NAT2: variants seen among roughly 807,000 people sequenced by gnomAD.
NAT2 encodes the protein arylamine N-acetyltransferase 2.
For missense variants in NAT2, 428 were observed against 339.1 expected, an observed-to-expected ratio of 1.26 and a Z score of -2.06; for synonymous variants, 137 against 125.9, an observed-to-expected ratio of 1.09 and a Z score of -0.59.
upstream of NAT2, chr8:18,387,147 C>T (rs1240743754): frequency 6.6e-6 from 1 of 152,346 alleles, no homozygotes; most frequent in Non-Finnish European, 1.5e-5. Context: ...GGATCGTCCC[C>T]TTGCGGGCCC....
rs558922422 is a variant in NAT2 at position 18,394,012 on chromosome 8, TGG to T, written c.-7+2669_-7+2670del. Among the ~76,000 whole-genome samples the T allele has an allele frequency of 3.5e-3, 527 of 152,290 alleles. 5 individuals carry two copies. Among genetic ancestry groups the T allele is most frequent in the African/African-American group, 0.012 (506 of 41,550 alleles). On this transcript the variant is annotated intron_variant, in intron 1 of 1. Coordinates refer to ENST00000286479, the MANE Select transcript of NAT2 (RefSeq NM_000015.3). ...GAGCAACATGGCTGTTTATTTCACC[TGG>T]GTGCAGGCGGGCTGAGTCCTAAAAG...
At chr8:18,393,470 A>T (rs1429857842) in intron 1 of NAT2, among the ~76,000 whole-genome samples, 2 of 152,122 alleles carry the variant, frequency 1.3e-5, no homozygotes, top group Admixed American at 6.5e-5. Context: ...GAAACAGAAA[A>T]AAATAAATAA....
At chr8:18,393,968 C>T (rs1429233980) in intron 1 of NAT2, among the ~76,000 whole-genome samples, 1 of 152,108 alleles carries the variant, frequency 6.6e-6, no homozygotes, top group African/African-American at 2.4e-5. Context: ...GTGAAGAGAC[C>T]ACCAAACAGA....
Position 18,400,308 on chromosome 8 carries a change from G to C in NAT2, c.305G>C (p.Ser102Thr). 6.2e-7 allele frequency: 1 copy of C among 1,613,792 alleles called. No individual in the cohort carries two copies. Among genetic ancestry groups the C allele is most frequent in the Non-Finnish European group, 8.5e-7 (1 of 1,179,888 alleles). ...TACATCCCTCCAGTTAACAAATACA[G>C]CACTGGCATGGTTCACCTTCTCCTG... Reference protein sequence around the residue: ...YFYIPPVNKYSTGMVHLLLQV... With the variant: ...YFYIPPVNKYTTGMVHLLLQV... The change falls in exon 2 of 2, where the codon AGC becomes ACC. Residue 102 changes from serine (S) to threonine (T), a missense_variant. Transcript: ENST00000286479.
At chr8:18,394,770 T>C (rs972127033) in intron 1 of NAT2, among the ~76,000 whole-genome samples, 1 of 152,200 alleles carries the variant, frequency 6.6e-6, no homozygotes, top group Non-Finnish European at 1.5e-5. Flanking sequence ...TTCTTAAAAA[T>C]AGGGCATTCC....
At chr8:18,397,646 C>T (rs899975420) in intron 1 of NAT2, among the ~76,000 whole-genome samples, 2 of 151,992 alleles carry the variant, frequency 1.3e-5, no homozygotes, top group African/African-American at 4.8e-5. Flanking sequence ...AATACAAAAC[C>T]AAAACATTGG....
chr8:18,396,601 G>C (rs1035868202), intron 1 of NAT2, among the ~76,000 whole-genome samples: 2 of 151,990 alleles, frequency 1.3e-5, no homozygotes, highest in Admixed American at 6.6e-5. Flanking sequence ...TCACCACGTT[G>C]GTCAGGATGG....
At chr8:18,395,822 G>A (rs1417204364) in intron 1 of NAT2, among the ~76,000 whole-genome samples, 1 of 152,152 alleles carries the variant, frequency 6.6e-6, no homozygotes, top group African/African-American at 2.4e-5. Context: ...TTTAGGCAAA[G>A]TGATAACTCA....
rs781102691 is a variant in NAT2, at chr8:18,400,343, A to G, written c.340A>G (p.Ile114Val). 7 of 1,613,444 alleles carry G rather than the reference A, an allele frequency of 4.3e-6. No homozygotes were observed. The Admixed American group carries it at 1.0e-4, about 23-fold the overall frequency. ...GGTTCACCTTCTCCTGCAGGTGACC[A>G]TTGACGGCAGGAATTACATTGTCGA... is the stretch of plus-strand genomic sequence containing the variant. Reference protein sequence around the residue: ...GMVHLLLQVTIDGRNYIVDAG... With the variant: ...GMVHLLLQVTVDGRNYIVDAG... The change falls in exon 2 of 2, where the codon ATT becomes GTT. Residue 114 changes from isoleucine to valine, a missense_variant. By Grantham distance (29) the Ile-to-Val change is conservative. Transcript: ENST00000286479.
chr8:18,394,458 T>A (rs1227335791), intron 1 of NAT2, among the ~76,000 whole-genome samples: 1 of 152,174 alleles, frequency 6.6e-6, no homozygotes, highest in Non-Finnish European at 1.5e-5. Flanking sequence ...GGCTCCTTTT[T>A]AAAAAATGGC....
In NAT2 at chr8:18,395,695, A is replaced by G. The variant is rs190826414; in HGVS notation, c.-6-4303A>G. On this transcript the variant is annotated intron_variant, in intron 1 of 1. Coordinates refer to ENST00000286479, the MANE Select transcript of NAT2 (RefSeq NM_000015.3). ...AACTTAAAACAAGTTTCATATATTA[A>G]AAGCCAAGGTAATAGCTTTGGAGAG... 2.1e-4 allele frequency among the ~76,000 whole-genome samples: 32 copies of G among 152,288 alleles called. 2 individuals carry two copies. The highest frequency in any genetic ancestry group is 3.4e-3 in the Middle Eastern group (1 of 294).
intron 1 of NAT2, among the ~76,000 whole-genome samples, chr8:18,394,385 T>C (rs1800647025): frequency 6.6e-6 from 1 of 152,160 alleles, no homozygotes; most frequent in Non-Finnish European, 1.5e-5. Flanking sequence ...AAAATAAGTT[T>C]TGTTACTATA....
chr8:18,399,758 A>G (rs141687826), intron 1 of NAT2, among the ~76,000 whole-genome samples: 3 of 152,160 alleles, frequency 2.0e-5, no homozygotes, highest in Non-Finnish European at 2.9e-5. Flanking sequence ...CCAACTCCTC[A>G]TGCTTAAAAG....
upstream of NAT2, chr8:18,387,123 C>G (rs1800516612): frequency 6.6e-6 from 1 of 152,530 alleles, no homozygotes; most frequent in Non-Finnish European, 1.5e-5. Context: ...CCGGCGCGCT[C>G]CAGGTCCTGG....
chr8:18,399,511 G>T (rs1800750350), intron 1 of NAT2, among the ~76,000 whole-genome samples: 1 of 152,176 alleles, frequency 6.6e-6, no homozygotes, highest in Non-Finnish European at 1.5e-5. Context: ...GTGAATGAAT[G>T]AATTAATCAA....
intron 1 of NAT2, among the ~76,000 whole-genome samples, chr8:18,395,156 G>A (rs955729356): frequency 6.6e-6 from 1 of 152,080 alleles, no homozygotes; most frequent in Non-Finnish European, 1.5e-5. Flanking sequence ...TTCTCCATGA[G>A]AGTCCTGGGA....
chr8:18,400,218 A>G lies in NAT2; in HGVS notation c.215A>G (p.Asn72Ser), dbSNP rs201080763. 49 of 1,612,340 alleles carry G rather than the reference A, an allele frequency of 3.0e-5. 2 individuals carry two copies. The South Asian group carries it at 3.4e-4, about 11-fold the overall frequency. ...CGGGGTGGGTGGTGTCTCCAGGTCA[A>G]TCAACTTCTGTACTGGGCTCTGACC... ...RNRGGWCLQV[N>S]QLLYWALTTI... Residue 72 changes from asparagine (N) to serine (S), a missense_variant, in exon 2 of 2, where the codon AAT becomes AGT. Coordinates refer to ENST00000286479, the MANE Select transcript of NAT2 (RefSeq NM_000015.3).
Position 18,400,039 on chromosome 8 carries a change from T to C in NAT2, c.36T>C (p.Tyr12=). Residue 12 remains tyrosine (Y), a synonymous_variant, in exon 2 of 2, where the codon TAT becomes TAC. Coordinates refer to ENST00000286479, the MANE Select transcript of NAT2 (RefSeq NM_000015.3). The part of the protein sequence containing the change: ...DIEAYFERIG[Y]KNSRNKLDLE... ...AAGCATATTTTGAAAGAATTGGCTA[T>C]AAGAACTCTAGGAACAAATTGGACT... The C allele has an allele frequency of 6.2e-7, 1 of 1,605,816 alleles. No homozygotes were observed. Among genetic ancestry groups the C allele is most frequent in the Non-Finnish European group, 8.5e-7 (1 of 1,175,406 alleles).
upstream of NAT2, among the ~76,000 whole-genome samples, chr8:18,386,887 C>T (rs188685697): frequency 1.3e-5 from 2 of 152,344 alleles, no homozygotes; most frequent in East Asian, 3.9e-4. Context: ...TTCTGCGTGC[C>T]TGATCTGAGG....
Sources: gnomAD v4.1 joint callset for allele counts (sites outside exome capture counted in the v4.1 genomes callset) on GRCh38, gnomAD v4.1.1 for gene constraint, MANE v1.5 for transcripts, NCBI Gene and HGNC (gene_info 2026-07-23, HGNC 2026-07-21) for gene names.